ADAMTS17: variants seen among roughly 807,000 people sequenced by gnomAD.
The protein encoded by ADAMTS17 is A disintegrin and metalloproteinase with thrombospondin motifs 17.
Under a neutral mutation model 141.5 loss-of-function variants are expected in ADAMTS17, and 113 were observed. That is an observed-to-expected ratio of 0.80 (90% CI 0.69 to 0.93). The LOEUF (loss-of-function observed/expected upper bound fraction) is 0.93, where lower values mean the gene tolerates loss of function less well. Ranked by LOEUF, ADAMTS17 falls within the 40% of genes least tolerant of loss-of-function variation. The pLI is 0.00. For synonymous variants in ADAMTS17, 768 were observed against 630.6 expected (o/e 1.22, Z -3.27); for missense variants, 1,659 against 1,517.9 (o/e 1.09, Z -1.54).
rs79564799 is a variant in ADAMTS17, at chr15:100,100,834, C to T, written c.2017-4358G>A. 3.4e-3 allele frequency among the ~76,000 whole-genome samples: 519 copies of T among 152,264 alleles called. 16 individuals carry two copies. In the East Asian group the frequency reaches 0.091, roughly 27 times the overall value. ...CGTCCGCACATATGAATTTAAGACCCTCCATGATCTCATTCCAGCTGCTCA... is the reference window on the plus strand; with the variant it reads ...CGTCCGCACATATGAATTTAAGACCTTCCATGATCTCATTCCAGCTGCTCA... On this transcript the variant is annotated intron_variant, in intron 14 of 21. Transcript: ENST00000268070.
chr15:100,026,436 C>T (rs2061516655), intron 18 of ADAMTS17, among the ~76,000 whole-genome samples: 1 of 152,230 alleles, frequency 6.6e-6, no homozygotes, highest in Non-Finnish European at 1.5e-5. Flanking sequence ...GCTAAAGCAA[C>T]TCCATCTTGA....
intron 3 of ADAMTS17, among the ~76,000 whole-genome samples, chr15:100,322,288 C>A (rs1174899470): frequency 2.6e-5 from 4 of 152,036 alleles, no homozygotes; most frequent in African/African-American, 7.3e-5. Context: ...GGGAGGCATG[C>A]TGGAAAGGAG....
intron 18 of ADAMTS17, among the ~76,000 whole-genome samples, chr15:100,028,459 T>C (rs1022057238): frequency 6.6e-6 from 1 of 152,230 alleles, no homozygotes; most frequent in Non-Finnish European, 1.5e-5. Context: ...AGCTGTAAAG[T>C]TCTGTAGCAT....
intron 20 of ADAMTS17, chr15:99,980,187 G>C (rs2060454943): frequency 6.6e-6 from 1 of 152,244 alleles, no homozygotes; most frequent in Non-Finnish European, 1.5e-5. Context: ...TGGGCATGGT[G>C]GTGAGCACCT....
chr15:100,230,749 C>T (rs1039347866), intron 7 of ADAMTS17, among the ~76,000 whole-genome samples: 10 of 152,062 alleles, frequency 6.6e-5, no homozygotes, highest in Non-Finnish European at 1.2e-4. Context: ...TAGTGGGTAA[C>T]GACAATGCTT....
chr15:100,154,847 G>A (rs770092151), intron 9 of ADAMTS17, among the ~76,000 whole-genome samples: 31 of 152,112 alleles, frequency 2.0e-4, no homozygotes, highest in Non-Finnish European at 3.5e-4. Context: ...CCATTCCGCA[G>A]CGGCCCAGGG....
intron 7 of ADAMTS17, 141 bp downstream of exon 7, chr15:100,253,995 T>TG: frequency 1.2e-6 from 1 of 803,362 alleles, no homozygotes; most frequent in South Asian, 1.5e-5. Context: ...AAAAGGAAAG[T>TG]CAAAGACCAA....
chr15:100,260,481 G>A (rs2043478241), intron 6 of ADAMTS17, among the ~76,000 whole-genome samples: 1 of 151,844 alleles, frequency 6.6e-6, no homozygotes, highest in Non-Finnish European at 1.5e-5. Flanking sequence ...AGGTGTGGTG[G>A]CACACGCCTG....
At chr15:100,029,573 G>T (rs2029923752) in intron 18 of ADAMTS17, among the ~76,000 whole-genome samples, 1 of 152,168 alleles carries the variant, frequency 6.6e-6, no homozygotes, top group African/African-American at 2.4e-5. Flanking sequence ...CTCCTGCAAA[G>T]TCCTGCCTTC....
At chr15:100,102,287 A>G (rs62038573) in intron 14 of ADAMTS17, among the ~76,000 whole-genome samples, 8,070 of 144,964 alleles carry the variant, frequency 0.056, 247 homozygotes, top group South Asian at 0.1. Flanking sequence ...CGACCGAAGG[A>G]GATCTACATT....
At chr15:100,008,425 G>T (rs2061083026) in intron 18 of ADAMTS17, among the ~76,000 whole-genome samples, 1 of 152,184 alleles carries the variant, frequency 6.6e-6, no homozygotes, top group Non-Finnish European at 1.5e-5. Context: ...GTGCCTCATG[G>T]AAGAGTCATC....
chr15:100,003,730 T>C (rs8032785), intron 18 of ADAMTS17, among the ~76,000 whole-genome samples: 1 of 152,120 alleles, frequency 6.6e-6, no homozygotes, highest in Non-Finnish European at 1.5e-5. Flanking sequence ...TGCTACAACA[T>C]GGATGAGCTT....
At chr15:100,253,965 AATCATTTCAG>A (rs1198321464) in intron 7 of ADAMTS17, among the ~76,000 whole-genome samples, 161 bp downstream of exon 7, 1 of 152,074 alleles carries the variant, frequency 6.6e-6, no homozygotes, top group Non-Finnish European at 1.5e-5. Flanking sequence ...AATAACTTCA[AATCATTTCAG>A]GAAAATAAAA....
chr15:100,038,830 G>A (rs1013119301), intron 18 of ADAMTS17, among the ~76,000 whole-genome samples: 8 of 152,194 alleles, frequency 5.3e-5, no homozygotes, highest in African/African-American at 1.4e-4. Context: ...TAAATGCCTA[G>A]GCTGGAATCT....
intron 15 of ADAMTS17, among the ~76,000 whole-genome samples, chr15:100,080,907 T>C (rs8039728): frequency 0.11 from 17,478 of 152,192 alleles, 1,652 homozygotes; most frequent in African/African-American, 0.26. Context: ...TTATTGTCTT[T>C]ATTTGAAGAC....
chr15:100,215,467 T>C (rs1422126833), intron 7 of ADAMTS17, among the ~76,000 whole-genome samples: 1 of 152,154 alleles, frequency 6.6e-6, no homozygotes, highest in Non-Finnish European at 1.5e-5. Flanking sequence ...CCGATTCTCC[T>C]TCATTATCTG....
chr15:100,282,469 G>A (rs758649814), intron 3 of ADAMTS17, among the ~76,000 whole-genome samples: 10 of 152,170 alleles, frequency 6.6e-5, no homozygotes, highest in Admixed American at 1.3e-4. Context: ...ACATACCTAC[G>A]ATGACGTGTC....
intron 3 of ADAMTS17, among the ~76,000 whole-genome samples, chr15:100,282,879 T>G (rs118028292): frequency 6.6e-6 from 1 of 152,172 alleles, no homozygotes; most frequent in Admixed American, 6.5e-5. Flanking sequence ...TCTGCATGTA[T>G]AGTTAGATCA....
intron 8 of ADAMTS17, among the ~76,000 whole-genome samples, chr15:100,193,884 C>T (rs573361658): frequency 2.6e-5 from 4 of 152,224 alleles, no homozygotes; most frequent in South Asian, 4.1e-4. Flanking sequence ...AGCTCCTTCC[C>T]GAGGAGAGGC....
Sources: allele counts gnomAD v4.1 joint callset (sites outside exome capture counted in the v4.1 genomes callset), GRCh38; gene constraint gnomAD v4.1.1; transcripts MANE v1.5; gene names NCBI Gene and HGNC (gene_info 2026-07-23, HGNC 2026-07-21).